PAPLN: variants seen among roughly 807,000 people sequenced by gnomAD.
PAPLN encodes the protein papilin.
PAPLN carries 146 observed loss-of-function variants against 159.0 expected under a neutral mutation model. The observed-to-expected ratio is 0.92, with a 90% CI of 0.80 to 1.05. The LOEUF is 1.05. PAPLN is among the 50% of genes least tolerant of loss of function. The pLI is 0.00. For synonymous variants in PAPLN, 734 were observed against 702.9 expected (o/e 1.04, Z -0.70); for missense variants, 1,720 against 1,743.9 (o/e 0.99, Z 0.24).
rs1319892254 is a variant in PAPLN, at chr14:73,262,782, G to A, written c.2678G>A (p.Gly893Glu). Residue 893 changes from glycine (G) to glutamate (E), a missense_variant, in exon 19 of 27, where the codon GGA (glycine) becomes GAA (glutamate). Physicochemically the swap from Gly to Glu is moderately conservative, Grantham distance 98. Transcript: ENST00000644200. ...ELGSRAPGLG[G>E]DAGSPAPPFH... ...GGGTCCAGGGCCCCTGGACTGGGTG[G>A]AGATGCCGGATCACCAGCGCCACCC... 1 of 1,501,740 alleles carries A rather than the reference G, an allele frequency of 6.7e-7. No individual in the cohort carries two copies. Among genetic ancestry groups the A allele is most frequent in the South Asian group, 1.4e-5 (1 of 70,838 alleles). The allele number at this position is 1,501,740 out of a possible 1,614,324, so 93.0% of individuals were successfully genotyped here. A position where few individuals can be genotyped will look rare whatever the true frequency, so the allele number is the denominator to read the frequency against.
At chr14:73,259,616 C>A in intron 16 of PAPLN, 71 bp downstream of exon 16, 1 of 1,417,174 alleles carries the variant, frequency 7.1e-7, no homozygotes, top group Non-Finnish European at 9.2e-7. Flanking sequence ...GGTGGGCCAA[C>A]ATCTCTGATC....
intron 18 of PAPLN, 169 bp from the exon 19 acceptor site, chr14:73,262,180 CT>C (rs1249410028): frequency 2.9e-6 from 2 of 701,150 alleles, no homozygotes; most frequent in African/African-American, 3.6e-5. Flanking sequence ...TGGACAGACT[CT>C]GGTGGAAGCA....
In PAPLN at chr14:73,261,254, C is replaced by T. The variant is rs781401964; in HGVS notation, c.2205C>T (p.Ala735=). ...GCCYDNVATA[A]GPLGEGCVGQ... ...GCTATGACAACGTGGCCACTGCAGCCGGTCCTCTTGGGGAAGGCTGTGTGG... is the reference window on the plus strand; with the variant it reads ...GCTATGACAACGTGGCCACTGCAGCTGGTCCTCTTGGGGAAGGCTGTGTGG... Residue 735 remains alanine (A), a synonymous_variant, in exon 18 of 27, where the codon GCC becomes GCT. Coordinates refer to ENST00000644200, the MANE Select transcript of PAPLN (RefSeq NM_001365906.3). 2.3e-5 allele frequency: 37 copies of T among 1,613,716 alleles called. No homozygotes were observed. The highest frequency in any genetic ancestry group is 1.6e-4 in the Middle Eastern group (1 of 6,082).
rs1463023403 is a variant in PAPLN, at chr14:73,264,254, C to G, written c.2905C>G (p.Gln969Glu). 1 of 1,613,920 alleles carries G rather than the reference C, an allele frequency of 6.2e-7. No homozygotes were observed. The highest frequency in any genetic ancestry group is 1.3e-5 in the African/African-American group (1 of 74,920). Residue 969 changes from glutamine (Q) to glutamate (E), a missense_variant, in exon 21 of 27, where the codon CAG becomes GAG. Physicochemically the swap from Gln to Glu is conservative, Grantham distance 29 (BLOSUM62 2). Coordinates refer to ENST00000644200, the MANE Select transcript of PAPLN (RefSeq NM_001365906.3). The stretch of plus-strand genomic sequence containing the variant: ...CGGATCCCTGATCATCCACCCCCTG[C>G]AGGCAGAGGACGCGGGCACCTACAG... ...FDGSLIIHPL[Q>E]AEDAGTYSCG...
intron 2 of PAPLN, chr14:73,243,957 C>T (rs1284085613): frequency 3.3e-5 from 5 of 152,324 alleles, no homozygotes; most frequent in Non-Finnish European, 5.9e-5. Context: ...ATCACATCTG[C>T]TTCCCAGACA....
chr14:73,251,728 C>T lies in PAPLN; in HGVS notation c.735C>T (p.Ala245=). The T allele has an allele frequency of 2.5e-6, 4 of 1,613,224 alleles. No homozygotes were observed. Among genetic ancestry groups the T allele is most frequent in the Non-Finnish European group, 3.4e-6 (4 of 1,179,976 alleles). The stretch of plus-strand genomic sequence containing the variant: ...ACTGGACCATCGAGGCGGCCCGGGC[C>T]CTGCCAGCAGCCAGCACCATCCTGC... ...NGHWTIEAAR[A]LPAASTILHY... The change falls in exon 9 of 27, where the codon GCC becomes GCT. Residue 245 remains alanine (A), a synonymous_variant. Transcript: ENST00000644200.
intron 5 of PAPLN, among the ~76,000 whole-genome samples, chr14:73,249,095 C>T (rs1884933950): frequency 6.6e-6 from 1 of 152,204 alleles, no homozygotes; most frequent in South Asian, 2.1e-4. Flanking sequence ...CGTGCCTCTG[C>T]ATTCCAGCCT....
At chr14:73,248,645 A>G (rs1397289060) in intron 5 of PAPLN, among the ~76,000 whole-genome samples, 1 of 151,924 alleles carries the variant, frequency 6.6e-6, no homozygotes, top group African/African-American at 2.4e-5. Context: ...TCTACCAAAA[A>G]TACGAAGATT....
chr14:73,255,089 T>C (rs1159948961), intron 14 of PAPLN, 71 bp downstream of exon 14: 11 of 1,538,326 alleles, frequency 7.2e-6, no homozygotes, highest in South Asian at 6.0e-5. Flanking sequence ...CCAGCAAGCA[T>C]GTCCTGCCTC....
chr14:73,252,446 T>A (rs2140240117), intron 10 of PAPLN, among the ~76,000 whole-genome samples: 1 of 152,004 alleles, frequency 6.6e-6, no homozygotes, highest in Non-Finnish European at 1.5e-5. Flanking sequence ...GGTGCCAGAG[T>A]AGGGCTCTCT....
At chr14:73,244,602 CTG>C in intron 2 of PAPLN, 40 bp from the exon 3 acceptor site, 1 of 1,497,730 alleles carries the variant, frequency 6.7e-7, no homozygotes. Flanking sequence ...TGGGCTCAGG[CTG>C]TGAGTGGGCA....
chr14:73,247,450 TTC>T (rs1003156571), intron 5 of PAPLN, among the ~76,000 whole-genome samples: 1 of 152,188 alleles, frequency 6.6e-6, no homozygotes, highest in African/African-American at 2.4e-5. Flanking sequence ...AGCACTTATA[TTC>T]TCTCTGTGTG....
At chr14:73,253,187 C>T (rs779472642) in intron 11 of PAPLN, 23 of 1,362,206 alleles carry the variant, frequency 1.7e-5, no homozygotes, top group Middle Eastern at 2.1e-4. Context: ...CGGCCTGGAG[C>T]GTGGCGCCTT....
chr14:73,267,632 G>C (rs1887347128), intron 25 of PAPLN, among the ~76,000 whole-genome samples: 3 of 152,262 alleles, frequency 2.0e-5, no homozygotes, highest in African/African-American at 7.2e-5. Context: ...GAACCGGCCT[G>C]TGCACTGGCT....
chr14:73,274,023 AC>A lies in PAPLN; in HGVS notation c.*1361del, dbSNP rs1444022478. On this transcript the variant is annotated 3_prime_UTR_variant, in exon 27 of 27. Coordinates refer to ENST00000644200, the MANE Select transcript of PAPLN (RefSeq NM_001365906.3). ...TTCATCTGACACCTGTGTAAAGCTG[AC>A]CAGCCTGCTCTGTACAGTGACAATG... The A allele has an allele frequency of 6.6e-6, 1 of 152,228 alleles. No individual in the cohort carries two copies. Among genetic ancestry groups the A allele is most frequent in the Non-Finnish European group, 1.5e-5 (1 of 68,042 alleles). The allele number at this position is 152,228 out of a possible 1,614,324, so 9.4% of individuals were successfully genotyped here. A position where few individuals can be genotyped will look rare whatever the true frequency, so the allele number is the denominator to read the frequency against.
At position 73,245,718 on chromosome 14, in the gene PAPLN, C is replaced by G. The variant is rs750929754; in HGVS notation, c.231+22C>G. On this transcript the variant is annotated intron_variant, in intron 4 of 26. Transcript: ENST00000644200. The surrounding 1 kb of genome is among the most constrained non-coding windows in gnomAD (Gnocchi z 4.2). The stretch of plus-strand genomic sequence containing the variant: ...GGAGGTAAAGCTCACGGGGCGCGGG[C>G]GAAGGCACCAGCTTCCCCAGCCCCT... 7 of 1,538,800 alleles carry G rather than the reference C, an allele frequency of 4.5e-6. No individual in the cohort carries two copies. Among genetic ancestry groups the G allele is most frequent in the Non-Finnish European group, 5.2e-6 (6 of 1,146,728 alleles).
chr14:73,266,541 G>A lies in PAPLN; in HGVS notation c.3304G>A (p.Val1102Met). ...TGATGGCTCCCTGGTCATTAGCCGAGTGGCTGTAGAAGATGGCGGCTTCTA... is the reference window on the plus strand; with the variant it reads ...TGATGGCTCCCTGGTCATTAGCCGAATGGCTGTAGAAGATGGCGGCTTCTA... Reference protein sequence around the residue: ...QPDGSLVISRVAVEDGGFYTC... With the variant: ...QPDGSLVISRMAVEDGGFYTC... Residue 1102 changes from valine (V) to methionine (M), a missense_variant, in exon 24 of 27, where the codon GTG (valine) becomes ATG (methionine). Coordinates refer to ENST00000644200, the MANE Select transcript of PAPLN (RefSeq NM_001365906.3). 6.2e-7 allele frequency: 1 copy of A among 1,614,206 alleles called. No individual in the cohort carries two copies. The highest frequency in any genetic ancestry group is 8.5e-7 in the Non-Finnish European group (1 of 1,180,036).
chr14:73,252,266 G>A, intron 10 of PAPLN, 125 bp downstream of exon 10: 1 of 1,374,814 alleles, frequency 7.3e-7, no homozygotes. Flanking sequence ...AAGTAGGCGA[G>A]AAATCTCTGT....
intron 16 of PAPLN, 78 bp downstream of exon 16, chr14:73,259,623 G>A: frequency 7.1e-7 from 1 of 1,410,460 alleles, no homozygotes; most frequent in Non-Finnish European, 9.3e-7. Flanking sequence ...CAACATCTCT[G>A]ATCAGAAGAG....
Sources: gnomAD v4.1 joint callset for allele counts (sites outside exome capture counted in the v4.1 genomes callset) on GRCh38, gnomAD v4.1.1 for gene constraint, Gnocchi (gnomAD v3.1) non-coding constraint, MANE v1.5 for transcripts, NCBI Gene and HGNC (gene_info 2026-07-23, HGNC 2026-07-21) for gene names.